The following ZNF483 variants were observed in gnomAD, a reference collection of about 807,000 sequenced individuals.
ZNF483 encodes the protein zinc finger protein 483.
ZNF483 carries 9 observed loss-of-function variants against 28.6 expected under a neutral mutation model. That is an observed-to-expected ratio of 0.32 (90% CI 0.19 to 0.55). The LOEUF is 0.55. Among genes scored for constraint, ZNF483 ranks in the 20% least tolerant of loss-of-function variants. ZNF483 has a pLI of 0.93. For synonymous variants in ZNF483, 322 were observed against 306.2 expected (o/e 1.05, Z -0.54); for missense variants, 675 against 871.7 (o/e 0.77, Z 2.84).
At chr9:111,539,372 A>G (rs910567062) in intron 5 of ZNF483, 2 of 451,050 alleles carry the variant, frequency 4.4e-6, no homozygotes, top group Admixed American at 4.8e-5. Context: ...TCTGCTCCTC[A>G]TGTGTCATTT....
At chr9:111,536,109 G>T (rs1393199492) in intron 5 of ZNF483, among the ~76,000 whole-genome samples, 9 of 148,552 alleles carry the variant, frequency 6.1e-5, no homozygotes. Flanking sequence ...AAAGGAGGTG[G>T]ATCACTCCTG....
At position 111,528,848 on chromosome 9, in the gene ZNF483, T is replaced by C. The variant is rs1365957420; in HGVS notation, c.412+1041T>C. ...GGCCTCTTTGTGGAGGCCCCTGCAA[T>C]AAAGAATTGATTTCGGGCTGGGTAC... On this transcript the variant is annotated intron_variant, in intron 2 of 5. Transcript: ENST00000309235. 2.6e-5 allele frequency among the ~76,000 whole-genome samples: 4 copies of C among 152,230 alleles called. No homozygotes were observed. In the East Asian group the frequency reaches 7.7e-4, roughly 29 times the overall value.
intron 5 of ZNF483, among the ~76,000 whole-genome samples, chr9:111,540,392 C>T (rs912978679): frequency 2.0e-5 from 3 of 152,116 alleles, no homozygotes; most frequent in Non-Finnish European, 4.4e-5. Flanking sequence ...GACAGTGTGA[C>T]CTCATGGTAA....
At position 111,527,248 on chromosome 9, in the gene ZNF483, T is replaced by G; in HGVS notation, c.-128-20T>G. The G allele has an allele frequency of 1.3e-6, 1 of 790,878 alleles. No homozygotes were observed. Among genetic ancestry groups the G allele is most frequent in the Non-Finnish European group, 1.9e-6 (1 of 515,084 alleles). The allele number at this position is 790,878 out of a possible 1,614,324, so 49.0% of individuals were successfully genotyped here. ...ACAGTTTTTTTACTTATTTAATGCC[T>G]TAATATTTCTTCTTGACAGTTTCTG... On this transcript the variant is annotated intron_variant, in intron 1 of 5. Coordinates refer to ENST00000309235, the MANE Select transcript of ZNF483 (RefSeq NM_133464.5).
downstream of ZNF483, among the ~76,000 whole-genome samples, chr9:111,559,629 A>AACAC (rs905762878): frequency 6.8e-6 from 1 of 147,054 alleles, no homozygotes; most frequent in South Asian, 2.1e-4. Context: ...ATACATATAT[A>AACAC]ACACACACAC....
chr9:111,571,319 G>A (rs976940034), intron 5 of ZNF483, among the ~76,000 whole-genome samples: 4 of 149,684 alleles, frequency 2.7e-5, no homozygotes, highest in African/African-American at 7.3e-5. Flanking sequence ...GGCTGAGGCA[G>A]GAGAATCGCT....
rs1212061183 is a variant in ZNF483 at position 111,555,380 on chromosome 9, ACCT to A, written c.*12214_*12216del. 6.6e-5 allele frequency among the ~76,000 whole-genome samples: 10 copies of A among 151,858 alleles called. No homozygotes were observed. Among genetic ancestry groups the A allele is most frequent in the African/African-American group, 2.2e-4 (9 of 41,298 alleles). Reference sequence around the variant, plus strand: ...TACTTCCAGAAAACCTGATGCCTCCACCTCCTAAATCTTTCCATATTTCATTAG... The same window carrying A: ...TACTTCCAGAAAACCTGATGCCTCCACCTAAATCTTTCCATATTTCATTAG... On this transcript the variant is annotated 3_prime_UTR_variant, in exon 6 of 6. Coordinates refer to ENST00000309235, the MANE Select transcript of ZNF483 (RefSeq NM_133464.5).
downstream of ZNF483, among the ~76,000 whole-genome samples, chr9:111,556,742 G>A (rs530834343): frequency 3.9e-5 from 6 of 152,304 alleles, no homozygotes; most frequent in Middle Eastern, 3.4e-3. Context: ...GAAGTGTGTA[G>A]CATTTCCCCC....
intron 5 of ZNF483, among the ~76,000 whole-genome samples, chr9:111,570,647 CG>C (rs1828777501): frequency 6.6e-6 from 1 of 151,596 alleles, no homozygotes; most frequent in Admixed American, 6.6e-5. Flanking sequence ...GGCATGGTGG[CG>C]GGTGCCTATA....
At position 111,547,523 on chromosome 9, in the gene ZNF483, T is replaced by A. The variant is rs1369678812; in HGVS notation, c.*4353T>A. Among the ~76,000 whole-genome samples the A allele has an allele frequency of 1.3e-5, 2 of 152,186 alleles. No homozygotes were observed. The highest frequency in any genetic ancestry group is 2.9e-5 in the Non-Finnish European group (2 of 67,998). ...CGTTGTTGTTTAGTTGTAGAAGTTC[T>A]TAATATATCCAGAATATATAAAGAA... On this transcript the variant is annotated 3_prime_UTR_variant, in exon 6 of 6. Coordinates refer to ENST00000309235, the MANE Select transcript of ZNF483 (RefSeq NM_133464.5).
chr9:111,562,120 G>A (rs944871988), intron 5 of ZNF483, among the ~76,000 whole-genome samples: 5 of 152,044 alleles, frequency 3.3e-5, no homozygotes, highest in South Asian at 4.2e-4. Flanking sequence ...TCCTGACCTC[G>A]CCTCCGCCTC....
intron 2 of ZNF483, 170 bp downstream of exon 2, chr9:111,527,977 A>T: frequency 6.7e-7 from 1 of 1,496,264 alleles, no homozygotes; most frequent in Non-Finnish European, 8.9e-7. Flanking sequence ...AGCTGTGTAA[A>T]CTCTCAGAAT....
At position 111,560,962 on chromosome 9, in the gene ZNF483, TATATATATATATAGAGAG is replaced by T. The variant is rs1231499319; in HGVS notation, c.722-15401_722-15384del. ...CATCTAAAATATATATATATATATA[TATATATATATATAGAGAG>T]AGAGAGAGAGAGAGAGAGAGAGAGA... On this transcript the variant is annotated intron_variant, in intron 5 of 5. Transcript: ENST00000358151. Among the ~76,000 whole-genome samples, 12 of 45,906 alleles carry T rather than the reference TATATATATATATAGAGAG, an allele frequency of 2.6e-4. No individual in the cohort carries two copies. In the Admixed American group the frequency reaches 3.0e-3, roughly 11 times the overall value. 30.1% of individuals were successfully genotyped at this position (45,906 alleles called of 152,430 possible). A position where few individuals can be genotyped will look rare whatever the true frequency, so the allele number is the denominator to read the frequency against.
At chr9:111,530,796 TATATACATATATATATATAA>T (rs1358671234) in intron 2 of ZNF483, 59 bp from the exon 3 acceptor site, 87 of 48,796 alleles carry the variant, frequency 1.8e-3, no homozygotes, top group South Asian at 4.7e-3. Context: ...TATATATATA[TATATACATATATATATATAA>T]GATTTTTAGT....
intron 3 of ZNF483, among the ~76,000 whole-genome samples, chr9:111,531,221 C>T (rs936859683): frequency 3.3e-5 from 5 of 151,926 alleles, no homozygotes; most frequent in African/African-American, 1.2e-4. Flanking sequence ...TAAATGTAAT[C>T]TCCCTTTCAA....
Position 111,530,943 on chromosome 9 carries a change from T to C in ZNF483, c.481T>C (p.Cys161Arg), listed in dbSNP as rs1226594619. The change falls in exon 3 of 6, where the codon TGT becomes CGT. Residue 161 changes from cysteine (C) to arginine (R), a missense_variant. Coordinates refer to ENST00000309235, the MANE Select transcript of ZNF483 (RefSeq NM_133464.5). ...AAAAGAGGATAAAATGGTCACTGTT[T>C]GTCCCAATACTGAGTCCTGTGTAAG... is the stretch of plus-strand genomic sequence containing the variant. Reference protein sequence around the residue: ...NSKEDKMVTVCPNTESCESIT... With the variant: ...NSKEDKMVTVRPNTESCESIT... 6.5e-7 allele frequency: 1 copy of C among 1,549,966 alleles called. No individual in the cohort carries two copies. The highest frequency in any genetic ancestry group is 1.2e-5 in the South Asian group (1 of 85,226).
rs796374290 is a variant in ZNF483, at chr9:111,541,349, A to AT, written c.722-308_722-307insT. The stretch of plus-strand genomic sequence containing the variant: ...CATGATCTCCCTGCCTTGGCCTCCC[A>AT]AAGTGCTGAGATTACAGGCATGAGC... On this transcript the variant is annotated intron_variant, in intron 5 of 5. Coordinates refer to ENST00000309235, the MANE Select transcript of ZNF483 (RefSeq NM_133464.5). 1.2e-4 allele frequency among the ~76,000 whole-genome samples: 18 copies of AT among 152,258 alleles called. 2 individuals carry two copies. The highest frequency in any genetic ancestry group is 4.3e-4 in the African/African-American group (18 of 41,558).
At chr9:111,534,797 C>T (rs1213806564) in intron 5 of ZNF483, among the ~76,000 whole-genome samples, 4 of 141,242 alleles carry the variant, frequency 2.8e-5, no homozygotes, top group African/African-American at 5.4e-5. Flanking sequence ...GATCTCGGCT[C>T]ACTGCAACCT....
At chr9:111,556,114 C>G (rs7852169), downstream of ZNF483, among the ~76,000 whole-genome samples, 22,212 of 152,214 alleles carry the variant, frequency 0.15, 2,071 homozygotes, top group East Asian at 0.26. Flanking sequence ...AGAGATTGAC[C>G]AAGACAAAGG....
Sources: allele counts gnomAD v4.1 joint callset (sites outside exome capture counted in the v4.1 genomes callset), GRCh38; gene constraint gnomAD v4.1.1; transcripts MANE v1.5; gene names NCBI Gene and HGNC (gene_info 2026-07-23, HGNC 2026-07-21).